WIPI2: variants seen among roughly 807,000 people sequenced by gnomAD.
WIPI2 encodes the protein WD repeat domain, phosphoinositide interacting 2, also known as WD repeat domain phosphoinositide-interacting protein 2.
WIPI2 carries 28 observed loss-of-function variants against 52.3 expected under a neutral mutation model. The ratio of observed to expected loss-of-function variants is 0.54; its 90% confidence interval spans 0.40 to 0.73. WIPI2 has a LOEUF of 0.73. Ranked by LOEUF, WIPI2 falls within the 30% of genes least tolerant of loss-of-function variation. WIPI2 has a pLI of 0.00. For synonymous variants in WIPI2, 268 were observed against 245.0 expected (o/e 1.09, Z -0.88); for missense variants, 506 against 602.9 (o/e 0.84, Z 1.68).
intron 3 of WIPI2, among the ~76,000 whole-genome samples, chr7:5,202,281 T>C (rs933518432): frequency 1.3e-5 from 2 of 152,226 alleles, no homozygotes; most frequent in Non-Finnish European, 2.9e-5. Flanking sequence ...AAGCTTGGTC[T>C]AGCAGTACTG....
At chr7:5,210,710 G>A (rs570191748) in intron 3 of WIPI2, among the ~76,000 whole-genome samples, 5 of 152,220 alleles carry the variant, frequency 3.3e-5, no homozygotes, top group African/African-American at 7.2e-5. Context: ...GTTGATTCTT[G>A]TTGTTCACAG....
intron 3 of WIPI2, among the ~76,000 whole-genome samples, chr7:5,206,552 A>G (rs1362145752): frequency 6.6e-6 from 1 of 152,226 alleles, no homozygotes; most frequent in African/African-American, 2.4e-5. Flanking sequence ...AACCATTTCC[A>G]AGTGATGGTT....
intron 11 of WIPI2, 104 bp from the exon 12 acceptor site, chr7:5,229,504 G>C (rs1783615382): frequency 1.4e-6 from 2 of 1,403,240 alleles, no homozygotes. Flanking sequence ...CGTCCTGTGT[G>C]GTGAGTGGTG....
At chr7:5,204,191 G>A (rs1562389814) in intron 3 of WIPI2, among the ~76,000 whole-genome samples, 1 of 152,176 alleles carries the variant, frequency 6.6e-6, no homozygotes, top group Non-Finnish European at 1.5e-5. Flanking sequence ...TCTGGGCCGG[G>A]CGCGGTGGCT....
intron 3 of WIPI2, among the ~76,000 whole-genome samples, chr7:5,210,344 A>G (rs1013394215): frequency 9.2e-5 from 14 of 152,214 alleles, no homozygotes; most frequent in African/African-American, 2.9e-4. Flanking sequence ...TCCCAGACTC[A>G]GGGGACGTGT....
In WIPI2 at chr7:5,210,842, G is replaced by A. The variant is rs28447119; in HGVS notation, c.212-3693G>A. 3.5e-3 allele frequency among the ~76,000 whole-genome samples: 530 copies of A among 152,282 alleles called. 6 individuals carry two copies. The highest frequency in any genetic ancestry group is 0.012 in the African/African-American group (496 of 41,560). ...CATCAGCTGATCAAAAGACAACCTCGTTTTGTGTGTGCTTCCCTGCCTCAA... is the reference window on the plus strand; with the variant it reads ...CATCAGCTGATCAAAAGACAACCTCATTTTGTGTGTGCTTCCCTGCCTCAA... On this transcript the variant is annotated intron_variant, in intron 3 of 12. Coordinates refer to ENST00000288828, the MANE Select transcript of WIPI2 (RefSeq NM_015610.4).
intron 2 of WIPI2, among the ~76,000 whole-genome samples, chr7:5,199,211 A>G (rs1373682118): frequency 6.6e-6 from 1 of 151,870 alleles, no homozygotes. Context: ...TTTTATTTTT[A>G]ATGTTATTTT....
intron 2 of WIPI2, among the ~76,000 whole-genome samples, chr7:5,197,214 C>T (rs1303854456): frequency 1.3e-5 from 2 of 150,288 alleles, no homozygotes; most frequent in East Asian, 1.9e-4. Context: ...ACCCTCAACT[C>T]GAAAGAACTT....
intron 3 of WIPI2, among the ~76,000 whole-genome samples, chr7:5,202,825 C>G (rs192719547): frequency 3.9e-4 from 59 of 152,232 alleles, no homozygotes; most frequent in African/African-American, 1.4e-3. Flanking sequence ...TCTCTTTTCC[C>G]TAAAATATTC....
chr7:5,223,043 A>C (rs2115303248), intron 8 of WIPI2, among the ~76,000 whole-genome samples: 1 of 152,320 alleles, frequency 6.6e-6, no homozygotes, highest in Non-Finnish European at 1.5e-5. Context: ...CCAGCTCTCC[A>C]GCTCCGCCTC....
chr7:5,229,861 G>A (rs1007698296), intron 12 of WIPI2, 123 bp downstream of exon 12: 8 of 1,380,228 alleles, frequency 5.8e-6, no homozygotes, highest in Non-Finnish European at 7.7e-6. Context: ...CTGGTTCTGA[G>A]AACATAAGCG....
chr7:5,217,816 A>G, intron 6 of WIPI2, 106 bp from the exon 7 acceptor site: 1 of 1,056,432 alleles, frequency 9.5e-7, no homozygotes, highest in South Asian at 1.3e-5. Flanking sequence ...TTGGACCGTA[A>G]TGGTGTTTTA....
intron 6 of WIPI2, chr7:5,217,505 C>A: frequency 2.5e-6 from 1 of 394,824 alleles, no homozygotes; most frequent in Non-Finnish European, 4.8e-6. Flanking sequence ...CTGGGTTGCC[C>A]AGGCTGGCCT....
chr7:5,214,336 A>G (rs1164193526), intron 3 of WIPI2, 199 bp from the exon 4 acceptor site: 2 of 1,577,088 alleles, frequency 1.3e-6, no homozygotes, highest in African/African-American at 1.3e-5. Context: ...CTTAGAGTGG[A>G]AATGCTCCTG....
chr7:5,199,529 C>T (rs775619105), intron 2 of WIPI2, 47 bp from the exon 3 acceptor site: 15 of 1,548,034 alleles, frequency 9.7e-6, no homozygotes, highest in African/African-American at 1.4e-5. Flanking sequence ...TACATTGTCA[C>T]TGTCTGCACG....
At chr7:5,208,510 C>T (rs1031583703) in intron 3 of WIPI2, among the ~76,000 whole-genome samples, 3 of 151,602 alleles carry the variant, frequency 2.0e-5, no homozygotes, top group Non-Finnish European at 4.4e-5. Flanking sequence ...AGGTGTTTTC[C>T]TATGTGTTCT....
rs1781926286 is a variant in WIPI2 at position 5,199,615 on chromosome 7, C to A, written c.168C>A (p.Phe56Leu). ...AVGSKSGYKF[F>L]SLSSVDKLEQ... is the part of the protein sequence containing the mutation. Reference sequence around the variant, plus strand: ...GTAGTAAGTCCGGTTATAAATTTTTCTCCCTTTCTTCTGTGGATAAGCTGG... The same window carrying A: ...GTAGTAAGTCCGGTTATAAATTTTTATCCCTTTCTTCTGTGGATAAGCTGG... The change falls in exon 3 of 13, where the codon TTC becomes TTA. Residue 56 changes from phenylalanine (F) to leucine (L), a missense_variant. By Grantham distance (22) the Phe-to-Leu change is conservative. Transcript: ENST00000288828. 1.2e-6 allele frequency: 2 copies of A among 1,613,100 alleles called. No individual in the cohort carries two copies. The highest frequency in any genetic ancestry group is 1.7e-6 in the Non-Finnish European group (2 of 1,179,838).
At chr7:5,211,645 T>C (rs1782566495) in intron 3 of WIPI2, among the ~76,000 whole-genome samples, 1 of 152,116 alleles carries the variant, frequency 6.6e-6, no homozygotes, top group South Asian at 2.1e-4. Flanking sequence ...ACTGATTGGA[T>C]TTAGGAGGCC....
chr7:5,217,680 C>T (rs1236693695), intron 6 of WIPI2: 1 of 517,614 alleles, frequency 1.9e-6, no homozygotes, highest in Non-Finnish European at 3.5e-6. Flanking sequence ...TGCTGAGCTC[C>T]TCGCCACGGG....
Sources: gnomAD v4.1 joint callset for allele counts (sites outside exome capture counted in the v4.1 genomes callset) on GRCh38, gnomAD v4.1.1 for gene constraint, MANE v1.5 for transcripts, NCBI Gene and HGNC (gene_info 2026-07-23, HGNC 2026-07-21) for gene names.